Variants in FBLN5 observed in about 807,000 individuals in gnomAD.
FBLN5 encodes fibulin-5.
In FBLN5, 24 loss-of-function variants were observed where a neutral mutation model predicts 61.6. The ratio of observed to expected loss-of-function variants is 0.39; its 90% CI spans 0.28 to 0.55. FBLN5 has a LOEUF of 0.55. Among genes scored for constraint, FBLN5 ranks in the 20% least tolerant of loss-of-function variants. The pLI, the probability that FBLN5 is intolerant of heterozygous loss-of-function variation, is 0.65. For missense variants in FBLN5, 470 were observed against 594.1 expected, an observed-to-expected ratio of 0.79 and a Z score of 2.17; for synonymous variants, 213 against 219.8, an observed-to-expected ratio of 0.97 and a Z score of 0.27.
At chr14:91,914,744 G>A (rs577864464) in intron 4 of FBLN5, among the ~76,000 whole-genome samples, 2 of 150,520 alleles carry the variant, frequency 1.3e-5, no homozygotes, top group Non-Finnish European at 3.0e-5. Flanking sequence ...AGAGATCGGG[G>A]AGAGCAACAA....
intron 4 of FBLN5, among the ~76,000 whole-genome samples, chr14:91,912,520 C>T (rs1890993043): frequency 6.6e-6 from 1 of 152,108 alleles, no homozygotes; most frequent in African/African-American, 2.4e-5. Flanking sequence ...TGGCACACAC[C>T]TGTAATCTCA....
At chr14:91,883,153 A>G (rs780159822) in intron 7 of FBLN5, 77 bp from the exon 8 acceptor site, 6 of 1,505,360 alleles carry the variant, frequency 4.0e-6, no homozygotes, top group East Asian at 2.3e-5. Flanking sequence ...ATCTACTCCA[A>G]CTCTCACACT....
chr14:91,926,623 A>G (rs1335499425), intron 4 of FBLN5, among the ~76,000 whole-genome samples: 2 of 152,058 alleles, frequency 1.3e-5, no homozygotes, highest in African/African-American at 4.8e-5. Context: ...TCCCTCCCCA[A>G]CTAATGCTCC....
intron 10 of FBLN5, 104 bp from the exon 11 acceptor site, chr14:91,870,489 T>C: frequency 1.8e-6 from 2 of 1,105,048 alleles, no homozygotes; most frequent in Non-Finnish European, 2.8e-6. Context: ...TGGCACCCCC[T>C]CGGTGCCTCA....
intron 2 of FBLN5, 69 bp downstream of exon 2, chr14:91,942,838 G>T: frequency 1.0e-6 from 1 of 999,836 alleles, no homozygotes. Flanking sequence ...GTTCCGTAGC[G>T]CAAGGCTGGA....
intron 10 of FBLN5, among the ~76,000 whole-genome samples, chr14:91,871,524 G>A (rs1472452166): frequency 6.6e-6 from 1 of 152,112 alleles, no homozygotes; most frequent in Non-Finnish European, 1.5e-5. Context: ...CATGTGTGAG[G>A]CACTCTTCTA....
At chr14:91,899,555 G>C (rs1890372985) in intron 4 of FBLN5, among the ~76,000 whole-genome samples, 1 of 152,198 alleles carries the variant, frequency 6.6e-6, no homozygotes, top group Non-Finnish European at 1.5e-5. Flanking sequence ...CCACAGAGTG[G>C]CCTTCTCAAT....
intron 1 of FBLN5, among the ~76,000 whole-genome samples, chr14:91,944,368 G>A (rs1379310742): frequency 6.6e-6 from 1 of 152,200 alleles, no homozygotes; most frequent in Non-Finnish European, 1.5e-5. Context: ...TGTAAATATG[G>A]TGCAGTCTCT....
chr14:91,879,042 T>C (rs1889299670), intron 9 of FBLN5, among the ~76,000 whole-genome samples: 1 of 152,208 alleles, frequency 6.6e-6, no homozygotes, highest in Non-Finnish European at 1.5e-5. Flanking sequence ...ATTGCACCAC[T>C]GCGCTCCAGC....
At chr14:91,875,248 A>G (rs973388602) in intron 10 of FBLN5, among the ~76,000 whole-genome samples, 6 of 152,204 alleles carry the variant, frequency 3.9e-5, no homozygotes, top group African/African-American at 1.4e-4. Context: ...AGAAAGTGGT[A>G]CCAGACTGTC....
chr14:91,934,516 C>T (rs1247784714), intron 4 of FBLN5, among the ~76,000 whole-genome samples: 2 of 152,212 alleles, frequency 1.3e-5, no homozygotes, highest in Non-Finnish European at 2.9e-5. Context: ...ATTACCACTG[C>T]TGCTGCGGAT....
chr14:91,881,787 A>T (rs8015733), intron 8 of FBLN5, among the ~76,000 whole-genome samples: 3,055 of 151,296 alleles, frequency 0.02, 54 homozygotes, highest in Non-Finnish European at 0.032. Context: ...TATATATATA[A>T]TTTTTTTTAA....
In FBLN5 at chr14:91,947,263, A is replaced by C; in HGVS notation, c.-34T>G. ...CGCGCGAGGAGGAGATGCGAAGGCG[A>C]GAAGAAAGCTCGCGGGCGGGACCCC... On this transcript the variant is annotated 5_prime_UTR_variant, in exon 1 of 11. Transcript: ENST00000342058. The surrounding 1 kb of genome is among the most constrained non-coding windows in gnomAD (Gnocchi z 4.3). The C allele has an allele frequency of 6.2e-7, 1 of 1,614,032 alleles. No homozygotes were observed.
chr14:91,902,468 A>C (rs1409620409), intron 4 of FBLN5, among the ~76,000 whole-genome samples: 1 of 152,174 alleles, frequency 6.6e-6, no homozygotes, highest in African/African-American at 2.4e-5. Flanking sequence ...GAATTGCCTG[A>C]CTAAATCAGA....
chr14:91,871,720 G>A (rs1469657550), intron 10 of FBLN5, among the ~76,000 whole-genome samples: 2 of 152,140 alleles, frequency 1.3e-5, no homozygotes, highest in African/African-American at 4.8e-5. Context: ...AGCAGGGCAT[G>A]TTGGCAGGTG....
At chr14:91,878,984 G>A (rs773138527) in intron 9 of FBLN5, among the ~76,000 whole-genome samples, 1 of 152,176 alleles carries the variant, frequency 6.6e-6, no homozygotes, top group Non-Finnish European at 1.5e-5. Flanking sequence ...AAAGGCTGAG[G>A]CAGGACGATT....
intron 10 of FBLN5, among the ~76,000 whole-genome samples, chr14:91,871,264 T>C (rs906756752): frequency 6.6e-6 from 1 of 152,030 alleles, no homozygotes; most frequent in Non-Finnish European, 1.5e-5. Context: ...TGGAACTTTT[T>C]TTGTTAAACT....
rs141475563 is a variant in FBLN5, at chr14:91,881,315, C to T, written c.966G>A (p.Glu322=). ...FKCIDPIRCE[E]PYLRISDNRC... ...ACTTATCACTGATCCTCAGATAAGG[C>T]TCCTCACAGCGGATGGGGTCAATGC... Residue 322 remains glutamate, a synonymous_variant, in exon 9 of 11, where the codon GAG becomes GAA. Coordinates refer to ENST00000342058, the MANE Select transcript of FBLN5 (RefSeq NM_006329.4). 3.7e-5 allele frequency: 60 copies of T among 1,614,174 alleles called. No homozygotes were observed. The Admixed American group carries it at 3.8e-4, about 10-fold the overall frequency.
intron 7 of FBLN5, among the ~76,000 whole-genome samples, chr14:91,886,769 A>ATTC (rs1388117679): frequency 2.0e-5 from 3 of 152,110 alleles, no homozygotes; most frequent in Non-Finnish European, 4.4e-5. Flanking sequence ...TCATTCATTC[A>ATTC]ATGTTCCCCC....
Sources: gnomAD v4.1 joint callset for allele counts (sites outside exome capture counted in the v4.1 genomes callset) on GRCh38, gnomAD v4.1.1 for gene constraint, Gnocchi (gnomAD v3.1) non-coding constraint, MANE v1.5 for transcripts, NCBI Gene and HGNC (gene_info 2026-07-23, HGNC 2026-07-21) for gene names.